Variants in PPM1H observed in about 807,000 individuals in gnomAD.
PPM1H encodes the protein protein phosphatase, Mg2+/Mn2+ dependent 1H.
Under a neutral mutation model 54.9 loss-of-function variants are expected in PPM1H, and 27 were observed. That is an observed-to-expected ratio of 0.49 (90% CI 0.36 to 0.68). The LOEUF is 0.68. PPM1H is among the 30% of genes least tolerant of loss of function. The pLI is 0.00. For missense variants in PPM1H, 596 were observed against 667.8 expected, an observed-to-expected ratio of 0.89 and a Z score of 1.19; for synonymous variants, 305 against 270.8, an observed-to-expected ratio of 1.13 and a Z score of -1.24.
At chr12:62,924,417 C>T (rs1346050147) in intron 1 of PPM1H, among the ~76,000 whole-genome samples, 1 of 152,238 alleles carries the variant, frequency 6.6e-6, no homozygotes, top group Non-Finnish European at 1.5e-5. Context: ...TAATCTCTGT[C>T]AGCTCAGCAT....
chr12:62,692,123 T>C (rs1482138852), intron 7 of PPM1H, among the ~76,000 whole-genome samples: 1 of 152,202 alleles, frequency 6.6e-6, no homozygotes, highest in Admixed American at 6.5e-5. Flanking sequence ...CTGAAATTTC[T>C]GCGTAGGGGT....
chr12:62,928,067 G>A lies in PPM1H; in HGVS notation c.245+6425C>T, dbSNP rs1433465476. Reference sequence around the variant, plus strand: ...TACTTTGAACAAATAACTTACCTACGTTGCATTCATCTCATTAAATCCTTA... The same window carrying A: ...TACTTTGAACAAATAACTTACCTACATTGCATTCATCTCATTAAATCCTTA... On this transcript the variant is annotated intron_variant, in intron 1 of 9. Coordinates refer to ENST00000228705, the MANE Select transcript of PPM1H (RefSeq NM_020700.2). Among the ~76,000 whole-genome samples, 11 of 152,224 alleles carry A rather than the reference G, an allele frequency of 7.2e-5. 1 individual carries two copies. The South Asian group carries it at 1.7e-3, about 23-fold the overall frequency.
intron 9 of PPM1H, among the ~76,000 whole-genome samples, chr12:62,654,701 T>C (rs1302972785): frequency 6.6e-6 from 1 of 152,224 alleles, no homozygotes; most frequent in Non-Finnish European, 1.5e-5. Flanking sequence ...ACTGAGTTGC[T>C]GCAGACCTGT....
chr12:62,789,070 C>T (rs1209625725), intron 3 of PPM1H, among the ~76,000 whole-genome samples: 1 of 152,128 alleles, frequency 6.6e-6, no homozygotes, highest in East Asian at 1.9e-4. Context: ...GGCTGGAGTG[C>T]AGTGGTATGA....
chr12:62,848,665 T>A (rs1869064703), intron 1 of PPM1H, among the ~76,000 whole-genome samples: 1 of 152,214 alleles, frequency 6.6e-6, no homozygotes, highest in African/African-American at 2.4e-5. Flanking sequence ...CTGGCCTGGA[T>A]GAATCATGGT....
intron 4 of PPM1H, among the ~76,000 whole-genome samples, chr12:62,748,251 A>C (rs1314835834): frequency 6.6e-6 from 1 of 152,124 alleles, no homozygotes; most frequent in African/African-American, 2.4e-5. Flanking sequence ...TCAAAAAAAA[A>C]AAAGAAAAAA....
intron 4 of PPM1H, among the ~76,000 whole-genome samples, chr12:62,740,980 G>A (rs529805872): frequency 5.3e-5 from 8 of 152,262 alleles, no homozygotes; most frequent in Admixed American, 4.6e-4. Flanking sequence ...ACATATCTCT[G>A]TTGTGCTCGG....
chr12:62,695,202 A>T (rs2076107142), intron 6 of PPM1H, among the ~76,000 whole-genome samples: 1 of 152,166 alleles, frequency 6.6e-6, no homozygotes, highest in Admixed American at 6.5e-5. Flanking sequence ...GTCCATCCTC[A>T]GAAAGTTACA....
intron 6 of PPM1H, among the ~76,000 whole-genome samples, chr12:62,701,013 T>G (rs2076141028): frequency 6.6e-6 from 1 of 152,200 alleles, no homozygotes; most frequent in African/African-American, 2.4e-5. Context: ...TTCATGCCCT[T>G]TAAGTTCTAT....
intron 2 of PPM1H, among the ~76,000 whole-genome samples, chr12:62,817,152 T>TAAAAAAAAAAAAAAAA (rs2076873724): frequency 3.2e-5 from 2 of 63,142 alleles, no homozygotes; most frequent in Non-Finnish European, 5.8e-5. Flanking sequence ...AAAAAAAAAC[T>TAAAAAAAAAAAAAAAA]AAAAAAAAGA....
chr12:62,801,745 C>CAGGA (rs2076771160), intron 3 of PPM1H, 71 bp downstream of exon 3: 3 of 1,537,758 alleles, frequency 2.0e-6, no homozygotes, highest in African/African-American at 1.4e-5. Context: ...GGGAGCCCTC[C>CAGGA]AGGAAGGACG....
intron 6 of PPM1H, among the ~76,000 whole-genome samples, chr12:62,707,689 A>G (rs2076183116): frequency 6.6e-6 from 1 of 152,216 alleles, no homozygotes. Flanking sequence ...ACCTTTGTCT[A>G]TTAGTTTTGT....
At chr12:62,805,997 A>C (rs891104156) in intron 2 of PPM1H, among the ~76,000 whole-genome samples, 6 of 152,218 alleles carry the variant, frequency 3.9e-5, no homozygotes, top group African/African-American at 1.4e-4. Flanking sequence ...TAAAACTGGG[A>C]GAAATAAAAC....
intron 2 of PPM1H, among the ~76,000 whole-genome samples, chr12:62,813,835 G>A (rs10877914): frequency 0.065 from 9,954 of 152,258 alleles, 441 homozygotes; most frequent in Middle Eastern, 0.12. Context: ...CTCTTAGCAA[G>A]ACAGTAAATG....
At chr12:62,724,423 T>C (rs1399759097) in intron 5 of PPM1H, among the ~76,000 whole-genome samples, 1 of 152,198 alleles carries the variant, frequency 6.6e-6, no homozygotes, top group African/African-American at 2.4e-5. Flanking sequence ...GGGCTCTTTT[T>C]GGCTGATATC....
intron 8 of PPM1H, among the ~76,000 whole-genome samples, chr12:62,681,805 A>C (rs1002940943): frequency 2.6e-5 from 4 of 152,164 alleles, no homozygotes; most frequent in African/African-American, 9.7e-5. Flanking sequence ...TACTCAGTAA[A>C]CACCACCGGA....
At chr12:62,819,870 C>T (rs2076891488) in intron 2 of PPM1H, among the ~76,000 whole-genome samples, 1 of 152,188 alleles carries the variant, frequency 6.6e-6, no homozygotes, top group South Asian at 2.1e-4. Flanking sequence ...ATGCAGAAGA[C>T]AGTGATTTCT....
At chr12:62,783,207 C>T (rs2076652041) in intron 4 of PPM1H, among the ~76,000 whole-genome samples, 1 of 152,094 alleles carries the variant, frequency 6.6e-6, no homozygotes, top group African/African-American at 2.4e-5. Context: ...GTTGAGAAAA[C>T]ACTCCTTTTC....
intron 3 of PPM1H, among the ~76,000 whole-genome samples, chr12:62,793,536 C>T (rs1376394193): frequency 6.6e-6 from 1 of 151,864 alleles, no homozygotes; most frequent in Non-Finnish European, 1.5e-5. Flanking sequence ...ACCAGCTTGA[C>T]CAACACGTAG....
Sources: gnomAD v4.1 joint callset for allele counts (sites outside exome capture counted in the v4.1 genomes callset) on GRCh38, gnomAD v4.1.1 for gene constraint, MANE v1.5 for transcripts, NCBI Gene and HGNC (gene_info 2026-07-23, HGNC 2026-07-21) for gene names.